WDR31: variants seen among roughly 807,000 people sequenced by gnomAD.
WDR31 encodes WD repeat-containing protein 31.
Under a neutral mutation model 47.3 loss-of-function variants are expected in WDR31, and 30 were observed. The ratio of observed to expected loss-of-function variants is 0.63; its 90% confidence interval spans 0.47 to 0.86. The LOEUF (loss-of-function observed/expected upper bound fraction) is 0.86, where lower values mean the gene tolerates loss of function less well. Ranked by LOEUF, WDR31 falls within the 40% of genes least tolerant of loss-of-function variation. WDR31 has a pLI of 0.00. For missense variants in WDR31, 406 were observed against 442.9 expected (o/e 0.92, Z 0.75); for synonymous variants, 137 against 159.4 (o/e 0.86, Z 1.06).
intron 7 of WDR31, among the ~76,000 whole-genome samples, chr9:113,322,313 A>G (rs1280643430): frequency 6.6e-6 from 1 of 152,102 alleles, no homozygotes; most frequent in African/African-American, 2.4e-5. Flanking sequence ...CATGATTTTA[A>G]CCTGAGTATA....
At position 113,337,206 on chromosome 9, in the gene WDR31, A is replaced by C. The variant is rs551802796; in HGVS notation, c.-181-766T>G. Among the ~76,000 whole-genome samples, 5 of 152,306 alleles carry C rather than the reference A, an allele frequency of 3.3e-5. No individual in the cohort carries two copies. The South Asian group carries it at 1.0e-3, about 32-fold the overall frequency. ...AAGTTGCTGAACCTCTCTAAGTCTCACTTTCCTATGTGTAAAATAGGATAA... is the reference window on the plus strand; with the variant it reads ...AAGTTGCTGAACCTCTCTAAGTCTCCCTTTCCTATGTGTAAAATAGGATAA... On this transcript the variant is annotated intron_variant, in intron 1 of 10. Transcript: ENST00000374193.
At chr9:113,338,924 T>C (rs1833772509) in intron 1 of WDR31, among the ~76,000 whole-genome samples, 1 of 152,114 alleles carries the variant, frequency 6.6e-6, no homozygotes, top group South Asian at 2.1e-4. Flanking sequence ...GGCCCAGTGG[T>C]ACACTTTTTA....
intron 5 of WDR31, 62 bp downstream of exon 5, chr9:113,328,819 G>T (rs1833531662): frequency 7.3e-7 from 1 of 1,365,646 alleles, no homozygotes; most frequent in Non-Finnish European, 1.0e-6. Flanking sequence ...TTAATATCTA[G>T]AACTATTAGC....
intron 4 of WDR31, 53 bp downstream of exon 4, chr9:113,330,915 ACTTCCTTTCAAAATAT>A: frequency 1.3e-6 from 2 of 1,503,760 alleles, no homozygotes; most frequent in Non-Finnish European, 1.8e-6. Flanking sequence ...CAAATCCTAG[ACTTCCTTTCAAAATAT>A]CTTCCTTTCC....
In WDR31 at chr9:113,314,942, C is replaced by G. The variant is rs568984853; in HGVS notation, c.*1807G>C. 1 of 152,310 alleles carries G rather than the reference C, an allele frequency of 6.6e-6. No individual in the cohort carries two copies. Among genetic ancestry groups the G allele is most frequent in the African/African-American group, 2.4e-5 (1 of 41,542 alleles). 9.4% of individuals were successfully genotyped at this position (152,310 alleles called of 1,614,324 possible). On this transcript the variant is annotated 3_prime_UTR_variant, in exon 11 of 11. Transcript: ENST00000374193. ...TTCCTGGCATTTAAAATAGCTATGT[C>G]CAGTCTTCAGAACAGCCCTGTGGCG...
intron 5 of WDR31, among the ~76,000 whole-genome samples, chr9:113,324,828 ATGTGTGTGTGTGTGTG>A (rs57088850): frequency 1.9e-4 from 26 of 138,200 alleles, no homozygotes; most frequent in African/African-American, 4.3e-4. Flanking sequence ...ATATATATAT[ATGTGTGTGTGTGTGTG>A]TGTGTGTGTG....
chr9:113,330,235 G>A (rs1780024484), intron 4 of WDR31, among the ~76,000 whole-genome samples: 2 of 151,902 alleles, frequency 1.3e-5, no homozygotes, highest in Admixed American at 6.6e-5. Context: ...CAAGTAGCTG[G>A]GATTACAGGC....
chr9:113,320,428 C>T lies in WDR31; in HGVS notation c.709G>A (p.Glu237Lys). ...PAKQHIQTYCEVSVDGHKCIS... is the reference protein window; with the variant it reads ...PAKQHIQTYCKVSVDGHKCIS... ...CACTTGTGTCCATCCACACTGACTT[C>T]ACAGTAGGTCTGAATGTGCTGCTTT... Residue 237 changes from glutamate to lysine, a missense_variant, in exon 9 of 11, where the codon GAA becomes AAA. Transcript: ENST00000374193. 6.2e-7 allele frequency: 1 copy of T among 1,614,262 alleles called. No homozygotes were observed. The highest frequency in any genetic ancestry group is 8.5e-7 in the Non-Finnish European group (1 of 1,180,044).
At chr9:113,331,148 T>C (rs769005052) in intron 3 of WDR31, 32 bp from the exon 4 acceptor site, 4 of 455,010 alleles carry the variant, frequency 8.8e-6, no homozygotes, top group Admixed American at 3.7e-5. Context: ...AGAGACCCAA[T>C]GGCATGGGAG....
At chr9:113,334,773 A>G (rs1025727907) in intron 2 of WDR31, among the ~76,000 whole-genome samples, 4 of 130,318 alleles carry the variant, frequency 3.1e-5, no homozygotes, top group African/African-American at 1.2e-4. Flanking sequence ...TGGCAAGGCT[A>G]GTCTCAAACC....
intron 1 of WDR31, among the ~76,000 whole-genome samples, chr9:113,338,200 T>C (rs1833757877): frequency 6.6e-6 from 1 of 152,202 alleles, no homozygotes; most frequent in Non-Finnish European, 1.5e-5. Context: ...AATGCACAAA[T>C]ATTAATGCAC....
At position 113,316,790 on chromosome 9, in the gene WDR31, G is replaced by T. The variant is rs570743800; in HGVS notation, c.1063C>A (p.His355Asn). The T allele has an allele frequency of 5.3e-5, 85 of 1,614,084 alleles. 1 individual carries two copies. The highest frequency in any genetic ancestry group is 3.5e-4 in the Admixed American group (21 of 60,016). The stretch of plus-strand genomic sequence containing the variant: ...TCCTGCAGTTCCAGCCCTTGGCTGT[G>T]GTCCATTCTGAGTAAGTGAATTCCT... ...NRGIHLLRMD[H>N]SQGLELQEVA... The change falls in exon 11 of 11, where the codon CAC (histidine) becomes AAC (asparagine). Residue 355 changes from histidine (H) to asparagine (N), a missense_variant. By Grantham distance (68) the His-to-Asn change is moderately conservative. Coordinates refer to ENST00000374193, the MANE Select transcript of WDR31 (RefSeq NM_001012361.4).
rs1404843478 is a variant in WDR31, at chr9:113,313,243, T to C, written c.*3506A>G. 3.9e-5 allele frequency: 6 copies of C among 152,252 alleles called. No homozygotes were observed. The highest frequency in any genetic ancestry group is 8.8e-5 in the Non-Finnish European group (6 of 68,050). The allele number at this position is 152,252 out of a possible 1,614,324, so 9.4% of individuals were successfully genotyped here. ...CATGTACAGTTTATGGAAACAATTT[T>C]ATTGGTAACAGAACCCTACTAACTC... is the stretch of plus-strand genomic sequence containing the variant. On this transcript the variant is annotated 3_prime_UTR_variant, in exon 11 of 11. Coordinates refer to ENST00000374193, the MANE Select transcript of WDR31 (RefSeq NM_001012361.4).
At chr9:113,317,024 TGA>T (rs1199287878) in intron 10 of WDR31, 115 bp from the exon 11 acceptor site, 2 of 1,234,430 alleles carry the variant, frequency 1.6e-6, no homozygotes, top group Non-Finnish European at 2.2e-6. Flanking sequence ...CTAACCCGTA[TGA>T]GAGAGACCCC....
At chr9:113,320,206 C>T in intron 9 of WDR31, 151 bp downstream of exon 9, 1 of 1,037,760 alleles carries the variant, frequency 9.6e-7, no homozygotes, top group Non-Finnish European at 1.4e-6. Context: ...AATGAAGCAA[C>T]TGGAATGCAA....
At position 113,318,283 on chromosome 9, in the gene WDR31, A is replaced by G. The variant is rs147954053; in HGVS notation, c.943+192T>C. Among the ~76,000 whole-genome samples, 4 of 152,388 alleles carry G rather than the reference A, an allele frequency of 2.6e-5. No homozygotes were observed. In the East Asian group the frequency reaches 7.7e-4, roughly 29 times the overall value. On this transcript the variant is annotated intron_variant, in intron 10 of 10. Transcript: ENST00000374193. ...AAGAGCCAAATCTACGTGAGTTCTC[A>G]GGAATGAGTCTATACAACATGGTAC...
At chr9:113,335,910 A>G (rs530036071) in intron 2 of WDR31, among the ~76,000 whole-genome samples, 26 of 152,382 alleles carry the variant, frequency 1.7e-4, no homozygotes, top group Admixed American at 1.4e-3. Flanking sequence ...TGGCTTGCAC[A>G]GTACTGTACA....
Position 113,321,496 on chromosome 9 carries a change from G to T in WDR31, c.638+15C>A, listed in dbSNP as rs1258166987. 8 of 1,613,480 alleles carry T rather than the reference G, an allele frequency of 5.0e-6. No individual in the cohort carries two copies. The highest frequency in any genetic ancestry group is 6.8e-6 in the Non-Finnish European group (8 of 1,179,572). ...CCTCACAAGAAACACTTTCACAGCTGCTCAGTAAGCCCACCTGAGGGTTTT... is the reference window on the plus strand; with the variant it reads ...CCTCACAAGAAACACTTTCACAGCTTCTCAGTAAGCCCACCTGAGGGTTTT... On this transcript the variant is annotated intron_variant, in intron 8 of 10. Transcript: ENST00000374193.
chr9:113,330,881 C>G, intron 4 of WDR31, 103 bp downstream of exon 4: 2 of 1,315,588 alleles, frequency 1.5e-6, no homozygotes, highest in South Asian at 3.8e-5. Context: ...TATTTTTACA[C>G]TTGTCAACCC....
Sources: allele counts gnomAD v4.1 joint callset (sites outside exome capture counted in the v4.1 genomes callset), GRCh38; gene constraint gnomAD v4.1.1; transcripts MANE v1.5; gene names NCBI Gene and HGNC (gene_info 2026-07-23, HGNC 2026-07-21).